Variants in APPBP2 observed in about 807,000 individuals in gnomAD.
APPBP2 encodes amyloid protein-binding protein 2.
In APPBP2, 15 loss-of-function variants were observed where a neutral mutation model predicts 76.0. That is an observed-to-expected ratio of 0.20 (90% CI 0.13 to 0.30). The LOEUF (loss-of-function observed/expected upper bound fraction) is 0.30, where lower values mean the gene tolerates loss of function less well. APPBP2 is among the 10% of genes least tolerant of loss of function. APPBP2 has a pLI of 1.00. For synonymous variants in APPBP2, 222 were observed against 242.2 expected (o/e 0.92, Z 0.77); for missense variants, 401 against 687.2 (o/e 0.58, Z 4.66).
chr17:60,494,055 C>T (rs2090753108), intron 3 of APPBP2, among the ~76,000 whole-genome samples: 1 of 152,202 alleles, frequency 6.6e-6, no homozygotes, highest in Non-Finnish European at 1.5e-5. Flanking sequence ...AAAACTGAGG[C>T]TCCGAAAGGA....
At chr17:60,511,064 G>T (rs1172667327) in intron 1 of APPBP2, among the ~76,000 whole-genome samples, 1 of 152,090 alleles carries the variant, frequency 6.6e-6, no homozygotes, top group Non-Finnish European at 1.5e-5. Context: ...GTATGATTTT[G>T]TTAGTGGTAG....
At chr17:60,520,411 A>AAATACAAATACTAAACCCCATCTCT (rs1314041471) in intron 1 of APPBP2, among the ~76,000 whole-genome samples, 1 of 151,992 alleles carries the variant, frequency 6.6e-6, no homozygotes, top group Non-Finnish European at 1.5e-5. Flanking sequence ...CATCTCTACT[A>AAATACAAATACTAAACCCCATCTCT]AAAATACAAA....
rs2090340047 is a variant in APPBP2, at chr17:60,445,691, C to T, written c.*1890G>A. 6.6e-6 allele frequency: 1 copy of T among 151,666 alleles called. No homozygotes were observed. Among genetic ancestry groups the T allele is most frequent in the African/African-American group, 2.4e-5 (1 of 41,208 alleles). 9.4% of individuals were successfully genotyped at this position (151,666 alleles called of 1,614,324 possible). On this transcript the variant is annotated 3_prime_UTR_variant, in exon 13 of 13. Coordinates refer to ENST00000083182, the MANE Select transcript of APPBP2 (RefSeq NM_006380.5). ...TAATTAATAAAGAAGTGCCTCTTGA[C>T]ATTAGACTGCAATTAACTGAGGGGT... is the stretch of plus-strand genomic sequence containing the variant.
chr17:60,463,968 T>G, intron 6 of APPBP2, 53 bp downstream of exon 6: 1 of 1,327,404 alleles, frequency 7.5e-7, no homozygotes, highest in East Asian at 2.5e-5. Context: ...TAAAACAAAC[T>G]TAAAGCCTGA....
At chr17:60,471,046 C>T (rs2090548746) in intron 4 of APPBP2, among the ~76,000 whole-genome samples, 1 of 152,012 alleles carries the variant, frequency 6.6e-6, no homozygotes, top group Non-Finnish European at 1.5e-5. Context: ...ATCTCTCTGC[C>T]TCAAACTCCC....
intron 8 of APPBP2, 93 bp from the exon 9 acceptor site, chr17:60,460,880 C>CT: frequency 4.0e-6 from 5 of 1,263,434 alleles, no homozygotes; most frequent in Non-Finnish European, 5.2e-6. Context: ...ATCTATATGC[C>CT]TAACACCATA....
chr17:60,456,401 A>G lies in APPBP2; in HGVS notation c.1062-20T>C, dbSNP rs746920470. The G allele has an allele frequency of 3.5e-6, 5 of 1,443,154 alleles. No individual in the cohort carries two copies. The South Asian group carries it at 5.8e-5, about 17-fold the overall frequency. The allele number at this position is 1,443,154 out of a possible 1,614,324, so 89.4% of individuals were successfully genotyped here. ...TGAAATCTGTAATACAGATAGATAC[A>G]GTCTGGCATTTCTTTTTAGTTACAA... On this transcript the variant is annotated intron_variant, in intron 9 of 12. Coordinates refer to ENST00000083182, the MANE Select transcript of APPBP2 (RefSeq NM_006380.5).
intron 3 of APPBP2, among the ~76,000 whole-genome samples, chr17:60,485,065 C>G (rs988192411): frequency 6.6e-6 from 1 of 152,094 alleles, no homozygotes; most frequent in East Asian, 1.9e-4. Flanking sequence ...CCAACTTGAT[C>G]TTGGTGGATA....
At position 60,494,620 on chromosome 17, in the gene APPBP2, G is replaced by A. The variant is rs1160336736; in HGVS notation, c.228-3C>T. The A allele has an allele frequency of 1.3e-6, 2 of 1,571,434 alleles. No homozygotes were observed. Among genetic ancestry groups the A allele is most frequent in the Non-Finnish European group, 1.7e-6 (2 of 1,168,774 alleles). Reference sequence around the variant, plus strand: ...GAAAACAATGATGAAGCAAATGTCTGTAAGAAAAGAAAAAGATTATTTTAT... The same window carrying A: ...GAAAACAATGATGAAGCAAATGTCTATAAGAAAAGAAAAAGATTATTTTAT... On this transcript the variant is annotated splice_polypyrimidine_tract_variant and splice_region_variant and intron_variant, in intron 2 of 12. Coordinates refer to ENST00000083182, the MANE Select transcript of APPBP2 (RefSeq NM_006380.5).
chr17:60,515,845 A>G (rs1305751536), intron 1 of APPBP2, among the ~76,000 whole-genome samples: 2 of 152,162 alleles, frequency 1.3e-5, no homozygotes, highest in Non-Finnish European at 2.9e-5. Flanking sequence ...CTGTGATAAA[A>G]AGAGTAATAT....
At chr17:60,502,266 T>C (rs1193967927) in intron 1 of APPBP2, among the ~76,000 whole-genome samples, 2 of 152,206 alleles carry the variant, frequency 1.3e-5, no homozygotes, top group South Asian at 2.1e-4. Context: ...TTTTCTGCTA[T>C]AGAAAAGTAA....
chr17:60,458,956 A>G (rs1162910552), intron 9 of APPBP2, among the ~76,000 whole-genome samples: 1 of 151,964 alleles, frequency 6.6e-6, no homozygotes, highest in Non-Finnish European at 1.5e-5. Context: ...TATTTTTAGT[A>G]GAGACGGGGT....
chr17:60,468,199 T>TA (rs1441144167), intron 4 of APPBP2, among the ~76,000 whole-genome samples: 1 of 152,128 alleles, frequency 6.6e-6, no homozygotes, highest in Non-Finnish European at 1.5e-5. Flanking sequence ...GGTTAATGGC[T>TA]ACCATATGGG....
intron 8 of APPBP2, 69 bp downstream of exon 8, chr17:60,461,741 C>T (rs972063007): frequency 1.3e-5 from 15 of 1,179,400 alleles, no homozygotes; most frequent in Non-Finnish European, 1.7e-5. Flanking sequence ...GTGGTTTATA[C>T]ACCACAAACA....
chr17:60,478,344 C>T (rs1023903381), intron 4 of APPBP2, among the ~76,000 whole-genome samples: 7 of 151,852 alleles, frequency 4.6e-5, no homozygotes, highest in Admixed American at 2.0e-4. Flanking sequence ...GACAATAAAG[C>T]AGAGTTACTT....
At chr17:60,456,067 C>T (rs1335896364) in intron 10 of APPBP2, among the ~76,000 whole-genome samples, 3 of 152,132 alleles carry the variant, frequency 2.0e-5, no homozygotes, top group Admixed American at 6.6e-5. Context: ...CATAAGCCAC[C>T]CCATCCGGCC....
At chr17:60,514,637 A>G (rs2090947992) in intron 1 of APPBP2, among the ~76,000 whole-genome samples, 1 of 152,176 alleles carries the variant, frequency 6.6e-6, no homozygotes, top group Non-Finnish European at 1.5e-5. Flanking sequence ...ATCATAAACA[A>G]TGCTGCTTAT....
At position 60,455,143 on chromosome 17, in the gene APPBP2, A is replaced by T. The variant is rs75764271; in HGVS notation, c.1148-651T>A. 2.0e-5 allele frequency among the ~76,000 whole-genome samples: 3 copies of T among 152,222 alleles called. No individual in the cohort carries two copies. The East Asian group carries it at 5.8e-4, about 29-fold the overall frequency. Reference sequence around the variant, plus strand: ...TAAAAAGAAAAGGTTAAAAATAATTATAAGAGTCAAATAATAAAGGTAAGG... The same window carrying T: ...TAAAAAGAAAAGGTTAAAAATAATTTTAAGAGTCAAATAATAAAGGTAAGG... On this transcript the variant is annotated intron_variant, in intron 10 of 12. Transcript: ENST00000083182.
intron 3 of APPBP2, among the ~76,000 whole-genome samples, chr17:60,489,249 C>G (rs1190895467): frequency 6.7e-6 from 1 of 150,114 alleles, no homozygotes; most frequent in Non-Finnish European, 1.5e-5. Context: ...TAATGAGGGT[C>G]CTTTTCAAAA....
Sources: gnomAD v4.1 joint callset for allele counts (sites outside exome capture counted in the v4.1 genomes callset) on GRCh38, gnomAD v4.1.1 for gene constraint, MANE v1.5 for transcripts, NCBI Gene and HGNC (gene_info 2026-07-23, HGNC 2026-07-21) for gene names.